The following IFT140 variants were observed in gnomAD, a reference collection of about 807,000 sequenced individuals.
The protein encoded by IFT140 is intraflagellar transport protein 140 homolog.
Under a neutral mutation model 164.6 loss-of-function variants are expected in IFT140, and 133 were observed. The observed-to-expected ratio is 0.81, with a 90% confidence interval of 0.70 to 0.93. The LOEUF is 0.93. IFT140 is among the 40% of genes least tolerant of loss of function. The pLI, the probability that IFT140 is intolerant of heterozygous loss-of-function variation, is 0.00. For missense variants in IFT140, 2,045 were observed against 1,972.3 expected (o/e 1.04, Z -0.70); for synonymous variants, 860 against 817.3 (o/e 1.05, Z -0.89).
chr16:1,537,869 G>T (rs1159795849), intron 19 of IFT140, among the ~76,000 whole-genome samples: 1 of 152,152 alleles, frequency 6.6e-6, no homozygotes, highest in Non-Finnish European at 1.5e-5. Flanking sequence ...CCGTCACCAC[G>T]CATGCCCCGC....
chr16:1,582,110 C>T (rs2034604640), intron 12 of IFT140, among the ~76,000 whole-genome samples: 2 of 152,100 alleles, frequency 1.3e-5, no homozygotes, highest in African/African-American at 4.8e-5. Flanking sequence ...AGCTGAGCTG[C>T]ACATCCTGGT....
In IFT140 at chr16:1,535,835, G is replaced by A. The variant is rs1430666069; in HGVS notation, c.2400-9039C>T. 4.6e-5 allele frequency among the ~76,000 whole-genome samples: 7 copies of A among 152,200 alleles called. No homozygotes were observed. In the East Asian group the frequency reaches 1.4e-3, roughly 29 times the overall value. On this transcript the variant is annotated intron_variant, in intron 19 of 30. Transcript: ENST00000426508. The stretch of plus-strand genomic sequence containing the variant: ...GGGACCAACAGCCGTCTTTTAAAAA[G>A]ATCAAAGCCTATGAATAACTTCAAA...
intron 4 of IFT140, among the ~76,000 whole-genome samples, chr16:1,595,151 G>A (rs916128718): frequency 2.0e-5 from 3 of 152,096 alleles, no homozygotes; most frequent in Non-Finnish European, 4.4e-5. Context: ...CGGGCGTGGC[G>A]GCGGGCGCCT....
intron 19 of IFT140, among the ~76,000 whole-genome samples, chr16:1,547,698 G>A (rs75431652): frequency 6.6e-6 from 1 of 152,138 alleles, no homozygotes; most frequent in Non-Finnish European, 1.5e-5. Context: ...ACCATGCCCA[G>A]CTAATTTTTG....
At chr16:1,545,944 G>A (rs189324982) in intron 19 of IFT140, among the ~76,000 whole-genome samples, 2 of 152,204 alleles carry the variant, frequency 1.3e-5, no homozygotes, top group African/African-American at 4.8e-5. Context: ...TGAAATGTGC[G>A]GGGACCCCAC....
rs377758758 is a variant in IFT140 at position 1,520,055 on chromosome 16, G to A, written c.3874-8C>T. 1.2e-6 allele frequency: 2 copies of A among 1,605,354 alleles called. No individual in the cohort carries two copies. The highest frequency in any genetic ancestry group is 1.3e-5 in the African/African-American group (1 of 74,536). On this transcript the variant is annotated splice_polypyrimidine_tract_variant and splice_region_variant and intron_variant, in intron 28 of 30. Coordinates refer to ENST00000426508, the MANE Select transcript of IFT140 (RefSeq NM_014714.4). ...GTATTCATCAATCTCCACCTGTACA[G>A]ATGAAACCCGTCAAGACCTGCCGGG...
chr16:1,593,162 T>A (rs989722591), intron 4 of IFT140, among the ~76,000 whole-genome samples: 5 of 152,254 alleles, frequency 3.3e-5, no homozygotes, highest in African/African-American at 9.6e-5. Context: ...ATTCCTTTTT[T>A]AAAAAAGTTA....
intron 19 of IFT140, among the ~76,000 whole-genome samples, chr16:1,537,715 G>C (rs1173850802): frequency 1.3e-5 from 2 of 152,222 alleles, no homozygotes; most frequent in Non-Finnish European, 2.9e-5. Flanking sequence ...TCATCTCTCT[G>C]TATTTCGTGC....
intron 24 of IFT140, chr16:1,524,214 G>A (rs1567327667): frequency 1.6e-6 from 1 of 617,626 alleles, no homozygotes; most frequent in Non-Finnish European, 2.8e-6. Flanking sequence ...GAGAGCCCAG[G>A]TTGGGACATT....
chr16:1,595,142 G>A (rs1329410611), intron 4 of IFT140, among the ~76,000 whole-genome samples: 4 of 152,034 alleles, frequency 2.6e-5, no homozygotes, highest in Admixed American at 6.6e-5. Flanking sequence ...AAGATTAGCC[G>A]GGCGTGGCGG....
intron 19 of IFT140, chr16:1,541,995 C>G: frequency 1.2e-6 from 2 of 1,611,386 alleles, no homozygotes; most frequent in Non-Finnish European, 1.7e-6. Flanking sequence ...CACCTTCCTC[C>G]TGGGGCTGGT....
intron 19 of IFT140, among the ~76,000 whole-genome samples, chr16:1,543,333 CAGA>C (rs756982336): frequency 6.6e-6 from 1 of 152,224 alleles, no homozygotes; most frequent in Non-Finnish European, 1.5e-5. Context: ...ATACAATTTC[CAGA>C]AGGAGGCTGA....
At chr16:1,535,766 G>A (rs1436314036) in intron 19 of IFT140, among the ~76,000 whole-genome samples, 3 of 152,256 alleles carry the variant, frequency 2.0e-5, no homozygotes, top group African/African-American at 7.2e-5. Flanking sequence ...CGGCTGCACC[G>A]CACAGCCTGG....
intron 4 of IFT140, among the ~76,000 whole-genome samples, chr16:1,601,236 C>T (rs1489457091): frequency 6.6e-6 from 1 of 150,846 alleles, no homozygotes; most frequent in Admixed American, 6.6e-5. Context: ...TGCACTCTAG[C>T]CTGGGCGACA....
intron 12 of IFT140, among the ~76,000 whole-genome samples, chr16:1,582,142 T>C (rs939581062): frequency 3.3e-5 from 5 of 152,138 alleles, no homozygotes; most frequent in Non-Finnish European, 7.4e-5. Context: ...TGCAATGGGC[T>C]GGGAAAGGTT....
intron 19 of IFT140, among the ~76,000 whole-genome samples, chr16:1,545,548 G>C (rs1368643294): frequency 6.6e-6 from 1 of 152,170 alleles, no homozygotes; most frequent in Non-Finnish European, 1.5e-5. Context: ...GTTTTAAACA[G>C]TCAGGGAGAG....
intron 19 of IFT140, among the ~76,000 whole-genome samples, chr16:1,527,335 C>T (rs768840705): frequency 6.2e-4 from 95 of 152,280 alleles, no homozygotes; most frequent in African/African-American, 2.1e-3. Context: ...CCCCAGGAGA[C>T]GGTGACCCAG....
At chr16:1,547,727 G>T (rs971816471) in intron 19 of IFT140, among the ~76,000 whole-genome samples, 1 of 152,122 alleles carries the variant, frequency 6.6e-6, no homozygotes, top group Non-Finnish European at 1.5e-5. Flanking sequence ...GTAGAGATGG[G>T]GTTTCACCAT....
In IFT140 at chr16:1,520,051, T is replaced by C. The variant is rs373217447; in HGVS notation, c.3874-4A>G. Reference sequence around the variant, plus strand: ...TCTGGTATTCATCAATCTCCACCTGTACAGATGAAACCCGTCAAGACCTGC... The same window carrying C: ...TCTGGTATTCATCAATCTCCACCTGCACAGATGAAACCCGTCAAGACCTGC... On this transcript the variant is annotated splice_polypyrimidine_tract_variant and splice_region_variant and intron_variant, in intron 28 of 30. Transcript: ENST00000426508. The C allele has an allele frequency of 1.9e-6, 3 of 1,605,426 alleles. No individual in the cohort carries two copies. Among genetic ancestry groups the C allele is most frequent in the Non-Finnish European group, 2.6e-6 (3 of 1,174,988 alleles).
Sources: allele counts gnomAD v4.1 joint callset (sites outside exome capture counted in the v4.1 genomes callset), GRCh38; gene constraint gnomAD v4.1.1; transcripts MANE v1.5; gene names NCBI Gene and HGNC (gene_info 2026-07-23, HGNC 2026-07-21).